SGCZ: variants seen among roughly 807,000 people sequenced by gnomAD.
SGCZ encodes sarcoglycan zeta.
In SGCZ, 40 loss-of-function variants were observed where a neutral mutation model predicts 41.3. That is an observed-to-expected ratio of 0.97 (90% CI 0.75 to 1.26). SGCZ has a LOEUF of 1.26. Among genes scored for constraint, SGCZ ranks in the 50% most tolerant of loss-of-function variants. The pLI is 0.00. For synonymous variants in SGCZ, 206 were observed against 137.5 expected, an observed-to-expected ratio of 1.50 and a Z score of -3.49; for missense variants, 552 against 369.8, an observed-to-expected ratio of 1.49 and a Z score of -4.04.
chr8:15,051,624 C>T (rs1289661131), intron 1 of SGCZ, among the ~76,000 whole-genome samples: 6 of 152,072 alleles, frequency 3.9e-5, no homozygotes, highest in East Asian at 3.9e-4. Context: ...TCTAGGAATA[C>T]GGAGAGTTTC....
chr8:14,684,700 G>GGT (rs1808555112), intron 1 of SGCZ, among the ~76,000 whole-genome samples: 7 of 148,638 alleles, frequency 4.7e-5, no homozygotes, highest in African/African-American at 1.8e-4. Flanking sequence ...TCCTTTTTTT[G>GGT]TTTTTTTTTG....
intron 2 of SGCZ, among the ~76,000 whole-genome samples, chr8:14,347,637 T>C (rs1329403159): frequency 1.3e-5 from 2 of 151,480 alleles, no homozygotes; most frequent in Non-Finnish European, 2.9e-5. Context: ...AAAAAATACA[T>C]ATACACATAG....
chr8:14,320,108 A>AT (rs983308925), intron 3 of SGCZ, among the ~76,000 whole-genome samples: 12 of 150,720 alleles, frequency 8.0e-5, no homozygotes, highest in Admixed American at 1.3e-4. Flanking sequence ...TGTTAACAGT[A>AT]TTTTTTTTTC....
intron 1 of SGCZ, among the ~76,000 whole-genome samples, chr8:15,215,943 T>G (rs1226073943): frequency 6.6e-6 from 1 of 152,212 alleles, no homozygotes; most frequent in South Asian, 2.1e-4. Context: ...TGCATTCTGT[T>G]TGAATATTGG....
intron 2 of SGCZ, among the ~76,000 whole-genome samples, chr8:14,479,677 T>C (rs1236170776): frequency 6.8e-6 from 1 of 147,788 alleles, no homozygotes; most frequent in Non-Finnish European, 1.5e-5. Context: ...TTTAATGTGA[T>C]AAAAACTAAC....
chr8:14,301,547 T>C (rs1461083806), intron 3 of SGCZ, among the ~76,000 whole-genome samples: 1 of 152,142 alleles, frequency 6.6e-6, no homozygotes, highest in African/African-American at 2.4e-5. Flanking sequence ...ACCTTACAAA[T>C]TGACTTACAT....
intron 2 of SGCZ, among the ~76,000 whole-genome samples, chr8:14,425,277 A>G (rs1173078251): frequency 1.3e-5 from 2 of 152,126 alleles, no homozygotes; most frequent in Non-Finnish European, 2.9e-5. Context: ...CTGACAGGTG[A>G]TATAATTCCA....
At chr8:14,693,651 C>G (rs574206521) in intron 1 of SGCZ, among the ~76,000 whole-genome samples, 1 of 128,192 alleles carries the variant, frequency 7.8e-6, no homozygotes, top group Non-Finnish European at 1.6e-5. Flanking sequence ...AGTGCAGTGG[C>G]GCGATCTCAG....
At chr8:14,965,965 AACCT>A (rs1207666132) in intron 1 of SGCZ, among the ~76,000 whole-genome samples, 1 of 152,106 alleles carries the variant, frequency 6.6e-6, no homozygotes, top group Non-Finnish European at 1.5e-5. Flanking sequence ...TAGATTTAAA[AACCT>A]ACAGAATGCT....
chr8:15,177,331 G>A (rs991601175), intron 1 of SGCZ, among the ~76,000 whole-genome samples: 3 of 152,284 alleles, frequency 2.0e-5, no homozygotes, highest in African/African-American at 4.8e-5. Flanking sequence ...GATGGATAAC[G>A]AAAGAGGAAA....
At chr8:14,474,024 G>C (rs1801287833) in intron 2 of SGCZ, among the ~76,000 whole-genome samples, 1 of 151,810 alleles carries the variant, frequency 6.6e-6, no homozygotes, top group Non-Finnish European at 1.5e-5. Context: ...TTTTGCATAA[G>C]TCATTCTGTG....
intron 2 of SGCZ, among the ~76,000 whole-genome samples, chr8:14,342,856 G>C (rs1802758723): frequency 6.6e-6 from 1 of 152,198 alleles, no homozygotes; most frequent in African/African-American, 2.4e-5. Context: ...TCCAGGCCAT[G>C]ACAGCGACCT....
At chr8:15,001,443 G>A (rs1197969156) in intron 1 of SGCZ, among the ~76,000 whole-genome samples, 3 of 152,130 alleles carry the variant, frequency 2.0e-5, no homozygotes, top group African/African-American at 7.2e-5. Context: ...AAAGAGTGGA[G>A]GGTAGGCCGG....
At chr8:15,164,672 G>T (rs1799604207) in intron 1 of SGCZ, among the ~76,000 whole-genome samples, 1 of 140,438 alleles carries the variant, frequency 7.1e-6, no homozygotes, top group Admixed American at 7.3e-5. Flanking sequence ...CATTTTACTA[G>T]GCCAGGCTCC....
At chr8:15,170,866 A>G (rs1055778493) in intron 1 of SGCZ, among the ~76,000 whole-genome samples, 10 of 152,202 alleles carry the variant, frequency 6.6e-5, no homozygotes, top group Non-Finnish European at 1.5e-4. Context: ...AACATCTATG[A>G]TTCGTTTAAT....
At chr8:14,722,987 A>G (rs1202729602) in intron 1 of SGCZ, among the ~76,000 whole-genome samples, 1 of 152,208 alleles carries the variant, frequency 6.6e-6, no homozygotes, top group East Asian at 1.9e-4. Context: ...TTCAAATTCA[A>G]GTCACGCAGA....
chr8:14,890,659 A>C (rs577808188), intron 1 of SGCZ, among the ~76,000 whole-genome samples: 50 of 152,342 alleles, frequency 3.3e-4, no homozygotes, highest in Non-Finnish European at 7.1e-4. Flanking sequence ...TAGTGAGGAT[A>C]ATTGATGAAA....
chr8:14,548,191 G>C (rs1038153719), intron 2 of SGCZ, among the ~76,000 whole-genome samples: 3 of 152,096 alleles, frequency 2.0e-5, no homozygotes, highest in Non-Finnish European at 2.9e-5. Context: ...ACTTGCACGA[G>C]GTAATAGAGC....
At chr8:14,481,820 T>C (rs918470371) in intron 2 of SGCZ, among the ~76,000 whole-genome samples, 2 of 152,190 alleles carry the variant, frequency 1.3e-5, no homozygotes, top group African/African-American at 4.8e-5. Context: ...CCGATTCCTT[T>C]ATAAACAGCT....
Sources: allele counts gnomAD v4.1 joint callset (sites outside exome capture counted in the v4.1 genomes callset), GRCh38; gene constraint gnomAD v4.1.1; transcripts MANE v1.5; gene names NCBI Gene and HGNC (gene_info 2026-07-23, HGNC 2026-07-21).